NKAIN2: variants seen among roughly 807,000 people sequenced by gnomAD.
The protein encoded by NKAIN2 is sodium/potassium-transporting ATPase subunit beta-1-interacting protein 2.
In NKAIN2, 14 loss-of-function variants were observed where a neutral mutation model predicts 32.6. The ratio of observed to expected loss-of-function variants is 0.43; its 90% confidence interval spans 0.28 to 0.67. The LOEUF (loss-of-function observed/expected upper bound fraction) is 0.67. Among genes scored for constraint, NKAIN2 ranks in the 30% least tolerant of loss-of-function variants. The probability of loss-of-function intolerance (pLI) is 0.17; values close to 1 mark genes in which losing one functional copy is unlikely to be tolerated. For synonymous variants in NKAIN2, 80 were observed against 87.2 expected (o/e 0.92, Z 0.46); for missense variants, 198 against 258.3 (o/e 0.77, Z 1.60).
intron 1 of NKAIN2, among the ~76,000 whole-genome samples, chr6:124,156,905 C>A (rs1788012224): frequency 6.6e-6 from 1 of 150,624 alleles, no homozygotes; most frequent in South Asian, 2.1e-4. Flanking sequence ...GAGTTCCAGA[C>A]CAGCCTGGCC....
chr6:124,528,535 C>T lies in NKAIN2; in HGVS notation c.274-129651C>T, dbSNP rs114674581. 4.8e-3 allele frequency among the ~76,000 whole-genome samples: 728 copies of T among 152,220 alleles called. 8 individuals are homozygous for T. The highest frequency in any genetic ancestry group is 0.016 in the African/African-American group (685 of 41,532). ...AGCTCATTGTTCTACAAAAAACTAG[C>T]TTATAATAGTTTCAAAAACTGAGAT... On this transcript the variant is annotated intron_variant, in intron 3 of 6. Coordinates refer to ENST00000368417, the MANE Select transcript of NKAIN2 (RefSeq NM_001040214.3).
intron 2 of NKAIN2, among the ~76,000 whole-genome samples, chr6:124,344,747 T>C (rs1347528403): frequency 1.3e-5 from 2 of 152,026 alleles, no homozygotes; most frequent in African/African-American, 4.8e-5. Flanking sequence ...GACAATGGGG[T>C]TTTCTAGATA....
chr6:124,472,857 T>G (rs757840815), intron 3 of NKAIN2, among the ~76,000 whole-genome samples: 8 of 152,096 alleles, frequency 5.3e-5, no homozygotes, highest in Non-Finnish European at 1.0e-4. Flanking sequence ...TATATGTTTA[T>G]TTTTTATGTA....
intron 1 of NKAIN2, among the ~76,000 whole-genome samples, chr6:123,831,441 C>G (rs998887038): frequency 8.0e-6 from 1 of 125,776 alleles, no homozygotes; most frequent in African/African-American, 3.0e-5. Context: ...TGTCTATATA[C>G]TTAGTTTTAA....
At chr6:124,145,529 A>C (rs1787356640) in intron 1 of NKAIN2, among the ~76,000 whole-genome samples, 1 of 151,520 alleles carries the variant, frequency 6.6e-6, no homozygotes, top group Non-Finnish European at 1.5e-5. Context: ...GTTTTGAGAC[A>C]GAGTCTCACT....
intron 3 of NKAIN2, among the ~76,000 whole-genome samples, chr6:124,525,274 A>C (rs892044555): frequency 6.6e-6 from 1 of 152,158 alleles, no homozygotes; most frequent in African/African-American, 2.4e-5. Flanking sequence ...TGTCTATCTT[A>C]TATAGGCAGC....
intron 4 of NKAIN2, among the ~76,000 whole-genome samples, chr6:124,660,200 A>C (rs1784696431): frequency 6.6e-6 from 1 of 152,186 alleles, no homozygotes; most frequent in African/African-American, 2.4e-5. Context: ...GCCTATCTTT[A>C]CTGTACCCAC....
chr6:123,805,333 A>T (rs769293509), intron 1 of NKAIN2, among the ~76,000 whole-genome samples: 1 of 152,252 alleles, frequency 6.6e-6, no homozygotes, highest in Non-Finnish European at 1.5e-5. Flanking sequence ...AGGATTTGCC[A>T]TTGAAACTGG....
At chr6:124,082,970 A>G (rs1246058441) in intron 1 of NKAIN2, among the ~76,000 whole-genome samples, 1 of 151,990 alleles carries the variant, frequency 6.6e-6, no homozygotes, top group Non-Finnish European at 1.5e-5. Flanking sequence ...TATGCCTTTC[A>G]TACGTAACAA....
intron 3 of NKAIN2, among the ~76,000 whole-genome samples, chr6:124,466,092 C>A (rs886142247): frequency 1.3e-5 from 2 of 151,830 alleles, no homozygotes; most frequent in East Asian, 3.9e-4. Context: ...TTACACACAA[C>A]GTTTGGCTGA....
chr6:124,144,958 C>T (rs1254028269), intron 1 of NKAIN2, among the ~76,000 whole-genome samples: 1 of 152,038 alleles, frequency 6.6e-6, no homozygotes. Flanking sequence ...AGTTAGAAAA[C>T]AGGCAAAAGA....
intron 1 of NKAIN2, among the ~76,000 whole-genome samples, chr6:124,184,263 A>C (rs914436139): frequency 6.6e-6 from 1 of 152,018 alleles, no homozygotes; most frequent in South Asian, 2.1e-4. Context: ...CTTTCTGCAA[A>C]CTAGATGTTA....
intron 1 of NKAIN2, among the ~76,000 whole-genome samples, chr6:124,001,898 G>A (rs562045743): frequency 3.3e-5 from 5 of 150,032 alleles, no homozygotes; most frequent in South Asian, 2.1e-4. Context: ...TTTGCCATGC[G>A]TTAATTATCA....
intron 3 of NKAIN2, among the ~76,000 whole-genome samples, chr6:124,411,206 G>A (rs1171803164): frequency 6.6e-6 from 1 of 152,102 alleles, no homozygotes; most frequent in Non-Finnish European, 1.5e-5. Flanking sequence ...TGGTATGTGT[G>A]AATTTGATCC....
chr6:123,872,763 A>G (rs1772960615), intron 1 of NKAIN2, among the ~76,000 whole-genome samples: 1 of 152,222 alleles, frequency 6.6e-6, no homozygotes, highest in South Asian at 2.1e-4. Flanking sequence ...AATTTAGATT[A>G]TGGGGAATAA....
At chr6:124,727,486 A>T (rs1215861570) in intron 4 of NKAIN2, among the ~76,000 whole-genome samples, 1 of 149,886 alleles carries the variant, frequency 6.7e-6, no homozygotes, top group Non-Finnish European at 1.5e-5. Flanking sequence ...GAAATAAAAT[A>T]CTTTACAGAC....
At chr6:124,474,838 A>G (rs1323144283) in intron 3 of NKAIN2, among the ~76,000 whole-genome samples, 1 of 147,900 alleles carries the variant, frequency 6.8e-6, no homozygotes, top group East Asian at 1.9e-4. Flanking sequence ...TTTTACATAC[A>G]TATATAATAT....
intron 1 of NKAIN2, among the ~76,000 whole-genome samples, chr6:124,187,345 C>T (rs1304289307): frequency 1.3e-5 from 2 of 152,122 alleles, no homozygotes; most frequent in Admixed American, 6.6e-5. Context: ...TTTATTCTGA[C>T]TCTCAAATGT....
At chr6:124,278,205 C>T (rs775021707) in intron 1 of NKAIN2, among the ~76,000 whole-genome samples, 1 of 152,032 alleles carries the variant, frequency 6.6e-6, no homozygotes, top group Non-Finnish European at 1.5e-5. Flanking sequence ...GATGCCTAAC[C>T]AGTACAAAGG....
Sources: allele counts gnomAD v4.1 joint callset (sites outside exome capture counted in the v4.1 genomes callset), GRCh38; gene constraint gnomAD v4.1.1; transcripts MANE v1.5; gene names NCBI Gene and HGNC (gene_info 2026-07-23, HGNC 2026-07-21).